CD24: variants seen among roughly 807,000 people sequenced by gnomAD.
The protein encoded by CD24 is signal transducer CD24.
CD24 carries 2 observed loss-of-function variants against 3.6 expected under a neutral mutation model. That is an observed-to-expected ratio of 0.56 (90% CI 0.23 to 1.77). The LOEUF is 1.77. CD24 is among the 40% of genes most tolerant of loss of function. CD24 has a pLI of 0.18. For synonymous variants in CD24, 33 were observed against 44.9 expected, an observed-to-expected ratio of 0.74 and a Z score of 1.06; for missense variants, 62 against 93.6, an observed-to-expected ratio of 0.66 and a Z score of 1.39.
chr6:106,974,813 C>A (rs1773066355), upstream of CD24: 3 of 556,780 alleles, frequency 5.4e-6, no homozygotes, highest in East Asian at 3.8e-5. Context: ...CACCCCGGCT[C>A]CCCTCCGCCG....
At chr6:106,972,769 A>G (rs1257412240) in intron 1 of CD24, among the ~76,000 whole-genome samples, 1 of 152,180 alleles carries the variant, frequency 6.6e-6, no homozygotes, top group Non-Finnish European at 1.5e-5. Context: ...GCTTCTGATT[A>G]CAGGCTGGAG....
At chr6:106,974,384 G>T (rs894120544) in intron 1 of CD24, among the ~76,000 whole-genome samples, 194 bp downstream of exon 1, 29 of 152,216 alleles carry the variant, frequency 1.9e-4, no homozygotes, top group African/African-American at 6.5e-4. Context: ...TGGGAGGAGG[G>T]GGGGCAGCAC....
chr6:106,974,527 G>A, intron 1 of CD24, 51 bp downstream of exon 1: 1 of 1,148,712 alleles, frequency 8.7e-7, no homozygotes. Context: ...CATCTCCCCT[G>A]CCCCCACCCC....
intron 1 of CD24, chr6:106,973,801 C>T (rs1258657021): frequency 5.0e-6 from 2 of 398,398 alleles, no homozygotes; most frequent in Non-Finnish European, 8.8e-6. Flanking sequence ...CGAGGTTCCC[C>T]GGATGGAGGA....
chr6:106,974,496 A>G (rs1582558512), intron 1 of CD24, 82 bp downstream of exon 1: 1 of 779,552 alleles, frequency 1.3e-6, no homozygotes, highest in East Asian at 3.4e-5. Flanking sequence ...GGAGCGCAGG[A>G]CGGTCCCCCG....
Position 106,969,889 on chromosome 6 carries a change from TAAG to T in CD24, c.*1769_*1771del, listed in dbSNP as rs1772926084. The stretch of plus-strand genomic sequence containing the variant: ...TTGTGTTCAATGCAAATCAATTCCA[TAAG>T]AAGTTACTATGAATCAAAGCGTAAA... On this transcript the variant is annotated 3_prime_UTR_variant, in exon 2 of 2. Transcript: ENST00000606017. 6.6e-6 allele frequency: 1 copy of T among 152,580 alleles called. No homozygotes were observed. Among genetic ancestry groups the T allele is most frequent in the African/African-American group, 2.4e-5 (1 of 41,438 alleles). 9.5% of individuals were successfully genotyped at this position (152,580 alleles called of 1,614,324 possible).
intron 1 of CD24, chr6:106,973,306 T>G (rs1415449283): frequency 9.4e-6 from 2 of 211,766 alleles, no homozygotes; most frequent in Non-Finnish European, 1.9e-5. Flanking sequence ...TTATTAAAAC[T>G]TCTCACTTAC....
In CD24 at chr6:106,974,056, C is replaced by T. The variant is rs2114900851; in HGVS notation, c.69+522G>A. The T allele has an allele frequency of 1.3e-5, 5 of 397,498 alleles. No individual in the cohort carries two copies. In the East Asian group the frequency reaches 1.8e-4, roughly 14 times the overall value. The allele number at this position is 397,498 out of a possible 1,614,324, so 24.6% of individuals were successfully genotyped here. A position where few individuals can be genotyped will look rare whatever the true frequency, so the allele number is the denominator to read the frequency against. ...TTTAAAAAGGGCCAGATAGCCGTAG[C>T]TTCTCCGGGATACCCAATCCAACTC... On this transcript the variant is annotated intron_variant, in intron 1 of 1. Transcript: ENST00000606017.
chr6:106,974,194 C>T (rs1773046159), intron 1 of CD24, among the ~76,000 whole-genome samples: 1 of 152,108 alleles, frequency 6.6e-6, no homozygotes, highest in Non-Finnish European at 1.5e-5. Context: ...TCCTCAGGGA[C>T]CCAGGGACAA....
intron 1 of CD24, among the ~76,000 whole-genome samples, chr6:106,973,221 T>C (rs1013629909): frequency 6.6e-6 from 1 of 152,228 alleles, no homozygotes; most frequent in Non-Finnish European, 1.5e-5. Context: ...AAAGATCCTC[T>C]ACACCAACAA....
upstream of CD24, among the ~76,000 whole-genome samples, chr6:106,976,851 G>C (rs1773114259): frequency 1.3e-5 from 2 of 151,870 alleles, no homozygotes; most frequent in African/African-American, 4.8e-5. Context: ...TGGGCAACAA[G>C]AGCAAAACTC....
At chr6:106,974,343 C>T (rs1041677268) in intron 1 of CD24, among the ~76,000 whole-genome samples, 1 of 152,174 alleles carries the variant, frequency 6.6e-6, no homozygotes, top group Non-Finnish European at 1.5e-5. Context: ...CCTCTCAGCC[C>T]GCACGCGGAG....
Position 106,974,588 on chromosome 6 carries a change from A to T in CD24, c.59T>A (p.Leu20Gln). ...GCGCCAGGGCCTCACCTGCGTGGGT[A>T]GGAGCAGTGCCAGCAGCAGCAGCCC... ...GLGLLLLALL[L>Q]PTQIYSSETT... The change falls in exon 1 of 2, where the codon CTA (leucine) becomes CAA (glutamine). Residue 20 changes from leucine (L) to glutamine (Q), a missense_variant. Transcript: ENST00000606017. The T allele has an allele frequency of 6.9e-7, 1 of 1,452,052 alleles. No individual in the cohort carries two copies. The allele number at this position is 1,452,052 out of a possible 1,614,324, so 89.9% of individuals were successfully genotyped here.
At chr6:106,973,772 C>G in intron 1 of CD24, 2 of 398,380 alleles carry the variant, frequency 5.0e-6, no homozygotes, top group Non-Finnish European at 4.4e-6. Context: ...TGCGCGGCCC[C>G]GGGTACCCGC....
upstream of CD24, among the ~76,000 whole-genome samples, chr6:106,976,643 A>C (rs1486226733): frequency 6.6e-6 from 1 of 152,218 alleles, no homozygotes; most frequent in Non-Finnish European, 1.5e-5. Flanking sequence ...CAGGAGTTCC[A>C]GACCAACCTG....
intron 1 of CD24, chr6:106,973,415 G>A (rs936959950): frequency 8.0e-6 from 3 of 372,778 alleles, no homozygotes; most frequent in East Asian, 3.9e-5. Flanking sequence ...AAAGAATTGA[G>A]GAAGGCTCGG....
chr6:106,975,997 T>C (rs1387130582), upstream of CD24, among the ~76,000 whole-genome samples: 1 of 152,254 alleles, frequency 6.6e-6, no homozygotes, highest in South Asian at 2.1e-4. Flanking sequence ...ATCCATCTTA[T>C]TGTGAAAACT....
chr6:106,976,831 C>T (rs1773114096), upstream of CD24, among the ~76,000 whole-genome samples: 2 of 152,058 alleles, frequency 1.3e-5, no homozygotes, highest in Admixed American at 1.3e-4. Context: ...CAGGCCATTG[C>T]ATTCCAGCCT....
At chr6:106,975,240 G>C, upstream of CD24, 1 of 152,164 alleles carries the variant, frequency 6.6e-6, no homozygotes, top group Middle Eastern at 3.4e-3. Context: ...ACCCGAGAGG[G>C]GCTGCGAATT....
Sources: gnomAD v4.1 joint callset for allele counts (sites outside exome capture counted in the v4.1 genomes callset) on GRCh38, gnomAD v4.1.1 for gene constraint, MANE v1.5 for transcripts, NCBI Gene and HGNC (gene_info 2026-07-23, HGNC 2026-07-21) for gene names.